The following B3GALNT1 variants were observed in gnomAD, a reference collection of about 807,000 sequenced individuals.
The protein encoded by B3GALNT1 is beta-1,3-N-acetylgalactosaminyltransferase 1 (Globoside blood group), also known as UDP-GalNAc:beta-1,3-N-acetylgalactosaminyltransferase 1.
Under a neutral mutation model 27.3 loss-of-function variants are expected in B3GALNT1, and 17 were observed. That is an observed-to-expected ratio of 0.62 (90% confidence interval 0.43 to 0.94). The LOEUF (loss-of-function observed/expected upper bound fraction) is 0.94. Ranked by LOEUF, B3GALNT1 falls within the 40% of genes least tolerant of loss-of-function variation. B3GALNT1 has a pLI of 0.00. For missense variants in B3GALNT1, 347 were observed against 390.0 expected, an observed-to-expected ratio of 0.89 and a Z score of 0.93; for synonymous variants, 141 against 144.0, an observed-to-expected ratio of 0.98 and a Z score of 0.15.
rs1244642678 is a variant in B3GALNT1, at chr3:161,086,301, A to G, written c.454T>C (p.Tyr152His). Reference sequence around the variant, plus strand: ...ATGGTTTTCAAGGTCAGGTTATTATATGTGTCTAAAAAATCTTGTCGGATT... The same window carrying G: ...ATGGTTTTCAAGGTCAGGTTATTATGTGTGTCTAAAAAATCTTGTCGGATT... ...DIIRQDFLDT[Y>H]NNLTLKTIMA... Residue 152 changes from tyrosine to histidine, a missense_variant, in exon 5 of 5, where the codon TAT becomes CAT. Coordinates refer to ENST00000320474, the MANE Select transcript of B3GALNT1 (RefSeq NM_003781.4). The G allele has an allele frequency of 6.2e-7, 1 of 1,614,092 alleles. No homozygotes were observed. Among genetic ancestry groups the G allele is most frequent in the Non-Finnish European group, 8.5e-7 (1 of 1,180,038 alleles).
In B3GALNT1 at chr3:161,101,218, C is replaced by G; in HGVS notation, c.-114G>C. 7.8e-7 allele frequency: 1 copy of G among 1,289,858 alleles called. No individual in the cohort carries two copies. The highest frequency in any genetic ancestry group is 1.0e-6 in the Non-Finnish European group (1 of 988,870). 79.9% of individuals were successfully genotyped at this position (1,289,858 alleles called of 1,614,324 possible). On this transcript the variant is annotated 5_prime_UTR_variant, in exon 4 of 5. Transcript: ENST00000320474. Reference sequence around the variant, plus strand: ...GAAGAGCCAACAGGTCAACCGGGTCCAGGGAGCTAAGAAAACTGGAGCAGA... The same window carrying G: ...GAAGAGCCAACAGGTCAACCGGGTCGAGGGAGCTAAGAAAACTGGAGCAGA...
At chr3:161,090,643 A>G (rs1724550372) in intron 4 of B3GALNT1, among the ~76,000 whole-genome samples, 1 of 152,078 alleles carries the variant, frequency 6.6e-6, no homozygotes, top group Admixed American at 6.5e-5. Flanking sequence ...TGGGTGGATC[A>G]CGAGGTCAGG....
At chr3:161,091,102 T>G (rs898398292) in intron 4 of B3GALNT1, among the ~76,000 whole-genome samples, 1 of 151,876 alleles carries the variant, frequency 6.6e-6, no homozygotes, top group African/African-American at 2.4e-5. Context: ...ACCCTGTCTC[T>G]ACAAAAGAAT....
intron 4 of B3GALNT1, among the ~76,000 whole-genome samples, chr3:161,096,068 G>C (rs1441713317): frequency 6.6e-6 from 1 of 152,290 alleles, no homozygotes; most frequent in Non-Finnish European, 1.5e-5. Flanking sequence ...ATTGGAGAGA[G>C]GGAAAACCTG....
chr3:161,088,932 T>C (rs1006939935), intron 4 of B3GALNT1, among the ~76,000 whole-genome samples: 3 of 152,240 alleles, frequency 2.0e-5, no homozygotes, highest in Non-Finnish European at 4.4e-5. Flanking sequence ...AATGTGACTA[T>C]GGTTATGATG....
At position 161,103,257 on chromosome 3, in the gene B3GALNT1, G is replaced by C. The variant is rs149260874; in HGVS notation, c.-130+170C>G. ...AAAATATATTATCCAAAATGGCTTA[G>C]TAGAGCTTCACTCTTGAATTTCTTC... On this transcript the variant is annotated intron_variant, in intron 3 of 4. Coordinates refer to ENST00000320474, the MANE Select transcript of B3GALNT1 (RefSeq NM_003781.4). 17 of 249,470 alleles carry C rather than the reference G, an allele frequency of 6.8e-5. No individual in the cohort carries two copies. The East Asian group carries it at 1.9e-3, about 28-fold the overall frequency. The allele number at this position is 249,470 out of a possible 1,614,324, so 15.5% of individuals were successfully genotyped here. A position where few individuals can be genotyped will look rare whatever the true frequency, so the allele number is the denominator to read the frequency against.
In B3GALNT1 at chr3:161,085,615, C is replaced by T; in HGVS notation, c.*144G>A. The T allele has an allele frequency of 1.3e-6, 1 of 796,836 alleles. No homozygotes were observed. Among genetic ancestry groups the T allele is most frequent in the South Asian group, 1.5e-5 (1 of 65,488 alleles). The allele number at this position is 796,836 out of a possible 1,614,324, so 49.4% of individuals were successfully genotyped here. ...CTAATAAATCACAAGTGTAACCCTC[C>T]AGTCTCCAGTCTGGGTTTTTCATGA... On this transcript the variant is annotated 3_prime_UTR_variant, in exon 5 of 5. Transcript: ENST00000320474.
At chr3:161,099,105 G>C (rs1249759879) in intron 4 of B3GALNT1, among the ~76,000 whole-genome samples, 1 of 152,182 alleles carries the variant, frequency 6.6e-6, no homozygotes, top group Admixed American at 6.5e-5. Flanking sequence ...TCTTGGGCTT[G>C]TGCTGGACTC....
At chr3:161,100,140 T>G (rs1481182057) in intron 4 of B3GALNT1, among the ~76,000 whole-genome samples, 1 of 152,246 alleles carries the variant, frequency 6.6e-6, no homozygotes, top group Non-Finnish European at 1.5e-5. Flanking sequence ...GATAGTGTTA[T>G]TCTAACAAAC....
Position 161,086,038 on chromosome 3 carries a change from A to T in B3GALNT1, c.717T>A (p.Ser239Arg). ...YPFKVFPPYC[S>R]GLGYIMSRDL... The stretch of plus-strand genomic sequence containing the variant: ...CTCTGGACATTATATAACCCAACCC[A>T]CTGCAGTATGGAGGGAACACCTTGA... The change falls in exon 5 of 5, where the codon AGT becomes AGA. Residue 239 changes from serine (S) to arginine (R), a missense_variant. Ser to Arg is a moderately radical substitution (Grantham distance 110). Coordinates refer to ENST00000320474, the MANE Select transcript of B3GALNT1 (RefSeq NM_003781.4). 1 of 1,589,706 alleles carries T rather than the reference A, an allele frequency of 6.3e-7. No individual in the cohort carries two copies. The highest frequency in any genetic ancestry group is 8.5e-7 in the Non-Finnish European group (1 of 1,170,198).
intron 4 of B3GALNT1, among the ~76,000 whole-genome samples, chr3:161,097,100 AT>A (rs752595493): frequency 2.6e-5 from 4 of 152,218 alleles, no homozygotes; most frequent in African/African-American, 9.6e-5. Flanking sequence ...AATCAGAAAC[AT>A]TTTTAACAGG....
Position 161,086,720 on chromosome 3 carries a change from C to T in B3GALNT1, c.35G>A (p.Arg12Lys). Reference protein sequence around the residue: ...ASALWTVLPSRMSLRSLKWSL... With the variant: ...ASALWTVLPSKMSLRSLKWSL... ...CCATTTGAGGGATCTCAGTGACATC[C>T]TACTCGGAAGGACAGTCCAGAGAGC... is the stretch of plus-strand genomic sequence containing the variant. The change falls in exon 5 of 5, where the codon AGG becomes AAG. Residue 12 changes from arginine to lysine, a missense_variant. Transcript: ENST00000320474. The T allele has an allele frequency of 6.2e-7, 1 of 1,614,110 alleles. No homozygotes were observed. Among genetic ancestry groups the T allele is most frequent in the Non-Finnish European group, 8.5e-7 (1 of 1,180,010 alleles).
intron 3 of B3GALNT1, among the ~76,000 whole-genome samples, chr3:161,102,296 C>T (rs1358487001): frequency 3.9e-5 from 6 of 152,208 alleles, no homozygotes; most frequent in East Asian, 3.9e-4. Context: ...GGTGGGAAAC[C>T]GATAACCTAC....
Position 161,086,071 on chromosome 3 carries a change from C to A in B3GALNT1, c.684G>T (p.Glu228Asp). 6.3e-7 allele frequency: 1 copy of A among 1,596,468 alleles called. No homozygotes were observed. Among genetic ancestry groups the A allele is most frequent in the Middle Eastern group, 1.7e-4 (1 of 5,934 alleles). The part of the protein sequence containing the change: ...FYQKTHISYQ[E>D]YPFKVFPPYC... ...ATGGAGGGAACACCTTGAAAGGATA[C>A]TCCTGGTAAGAAATATGGGTTTTTT... Residue 228 changes from glutamate to aspartate, a missense_variant, in exon 5 of 5, where the codon GAG becomes GAT. Transcript: ENST00000320474.
rs1258059624 is a variant in B3GALNT1, at chr3:161,085,286, T to A, written c.*473A>T. The stretch of plus-strand genomic sequence containing the variant: ...TACTTTATAAATGACCAAAAACAGG[T>A]AAAATTTTGTTCAGTATAACTTCAG... On this transcript the variant is annotated 3_prime_UTR_variant, in exon 5 of 5. Coordinates refer to ENST00000320474, the MANE Select transcript of B3GALNT1 (RefSeq NM_003781.4). 1 of 153,596 alleles carries A rather than the reference T, an allele frequency of 6.5e-6. No individual in the cohort carries two copies. Among genetic ancestry groups the A allele is most frequent in the African/African-American group, 2.4e-5 (1 of 41,472 alleles). 9.5% of individuals were successfully genotyped at this position (153,596 alleles called of 1,614,324 possible).
In B3GALNT1 at chr3:161,086,536, G is replaced by A. The variant is rs2108188629; in HGVS notation, c.219C>T (p.Cys73=). The change falls in exon 5 of 5, where the codon TGC becomes TGT. Residue 73 remains cysteine (C), a synonymous_variant. Transcript: ENST00000320474. ...FHFTLREHSN[C]SHQNPFLVIL... is the part of the protein sequence containing the mutation. ...TGACCAGAAATGGATTTTGATGAGA[G>A]CAGTTTGAATGCTCTCGAAGTGTGA... 6.2e-7 allele frequency: 1 copy of A among 1,614,172 alleles called. No homozygotes were observed. The highest frequency in any genetic ancestry group is 2.2e-5 in the East Asian group (1 of 44,882).
In B3GALNT1 at chr3:161,085,847, C is replaced by G. The variant is rs1348477828; in HGVS notation, c.908G>C (p.Arg303Thr). ...YRIHLDVCQL[R>T]RVIAAHGFSS... ...AAAGCCATGGGCTGCAATCACACGT[C>G]TCAGTTGACAGACATCCAAATGGAT... is the stretch of plus-strand genomic sequence containing the variant. Residue 303 changes from arginine (R) to threonine (T), a missense_variant, in exon 5 of 5, where the codon AGA (arginine) becomes ACA (threonine). Physicochemically the swap from Arg to Thr is moderately conservative, Grantham distance 71. Transcript: ENST00000320474. 1 of 1,614,134 alleles carries G rather than the reference C, an allele frequency of 6.2e-7. No individual in the cohort carries two copies. Among genetic ancestry groups the G allele is most frequent in the South Asian group, 1.1e-5 (1 of 91,086 alleles).
Position 161,098,652 on chromosome 3 carries a change from T to C in B3GALNT1, c.-35+2487A>G, listed in dbSNP as rs532378495. ...TAAAGAAAGGGAAGTTTAGTCCAAT[T>C]TCCATGCAAATCATGCTCACCCAGT... On this transcript the variant is annotated intron_variant, in intron 4 of 4. Transcript: ENST00000320474. 2.0e-5 allele frequency among the ~76,000 whole-genome samples: 3 copies of C among 152,348 alleles called. No individual in the cohort carries two copies. The South Asian group carries it at 6.2e-4, about 32-fold the overall frequency.
At chr3:161,094,025 C>G (rs1726776572) in intron 4 of B3GALNT1, among the ~76,000 whole-genome samples, 1 of 152,092 alleles carries the variant, frequency 6.6e-6, no homozygotes, top group Non-Finnish European at 1.5e-5. Flanking sequence ...AAAAACATCT[C>G]AAATACTAGA....
Sources: allele counts gnomAD v4.1 joint callset (sites outside exome capture counted in the v4.1 genomes callset), GRCh38; gene constraint gnomAD v4.1.1; transcripts MANE v1.5; gene names NCBI Gene and HGNC (gene_info 2026-07-23, HGNC 2026-07-21).